SYTL1: variants seen among roughly 807,000 people sequenced by gnomAD.
The protein encoded by SYTL1 is synaptotagmin like 1, also known as synaptotagmin-like protein 1.
In SYTL1, 53 loss-of-function variants were observed where a neutral mutation model predicts 74.6. The observed-to-expected ratio is 0.71, with a 90% confidence interval of 0.57 to 0.89. The LOEUF (loss-of-function observed/expected upper bound fraction) is 0.89. Among genes scored for constraint, SYTL1 ranks in the 40% least tolerant of loss-of-function variants. The pLI is 0.00. For synonymous variants in SYTL1, 329 were observed against 324.9 expected, an observed-to-expected ratio of 1.01 and a Z score of -0.14; for missense variants, 728 against 768.7, an observed-to-expected ratio of 0.95 and a Z score of 0.63.
At position 27,345,644 on chromosome 1, in the gene SYTL1, T is replaced by G; in HGVS notation, c.191+119T>G. The G allele has an allele frequency of 1.5e-6, 1 of 683,834 alleles. No homozygotes were observed. Among genetic ancestry groups the G allele is most frequent in the South Asian group, 2.0e-5 (1 of 49,226 alleles). 42.4% of individuals were successfully genotyped at this position (683,834 alleles called of 1,614,324 possible). ...CGTGGTTCTTGGTTTTGCCCTTCAG[T>G]CTCCTCTGGCCTTGGCCAGCTCACA... On this transcript the variant is annotated intron_variant, in intron 2 of 14. Transcript: ENST00000616558. The surrounding 1 kb of genome is among the most constrained non-coding windows in gnomAD (Gnocchi z 6.0).
chr1:27,351,543 C>T lies in SYTL1; in HGVS notation c.1331C>T (p.Thr444Ile). 6.5e-7 allele frequency: 1 copy of T among 1,546,114 alleles called. No homozygotes were observed. Among genetic ancestry groups the T allele is most frequent in the Non-Finnish European group, 8.7e-7 (1 of 1,144,534 alleles). Reference sequence around the variant, plus strand: ...CCGCTGCGGGCAGGATCCCTGGACACTTACGTACAATGGTGAGGAGTGCTG... The same window carrying T: ...CCGCTGCGGGCAGGATCCCTGGACATTTACGTACAATGGTGAGGAGTGCTG... ...LLPLRAGSLD[T>I]YVQCFVLPDD... Residue 444 changes from threonine (T) to isoleucine (I), a missense_variant, in exon 13 of 15, where the codon ACT becomes ATT. Coordinates refer to ENST00000616558, the MANE Select transcript of SYTL1 (RefSeq NM_001193308.2). The surrounding 1 kb of genome is among the most constrained non-coding windows in gnomAD (Gnocchi z 5.0).
In SYTL1 at chr1:27,348,674, T is replaced by TCTAGCCTGGGCAA. The variant is rs1260567659; in HGVS notation, c.460-404_460-392dup. 1.3e-5 allele frequency among the ~76,000 whole-genome samples: 2 copies of TCTAGCCTGGGCAA among 151,850 alleles called. No individual in the cohort carries two copies. The highest frequency in any genetic ancestry group is 3.4e-3 in the Middle Eastern group (1 of 294). Reference sequence around the variant, plus strand: ...GTGAGCCAAGATCACACCATTGCACTCTAGCCTGGGCAACAAGAGTGAAAC... The same window carrying TCTAGCCTGGGCAA: ...GTGAGCCAAGATCACACCATTGCACTCTAGCCTGGGCAACTAGCCTGGGCAACAAGAGTGAAAC... On this transcript the variant is annotated intron_variant, in intron 5 of 14. Coordinates refer to ENST00000616558, the MANE Select transcript of SYTL1 (RefSeq NM_001193308.2). The surrounding 1 kb of genome is among the most constrained non-coding windows in gnomAD (Gnocchi z 4.1).
chr1:27,350,319 G>T lies in SYTL1; in HGVS notation c.909-70G>T. ...CTGGCACGTGTTCGGGATGGTGGCT[G>T]GGGGAGCCCACAGGCAGGGGAGAAG... On this transcript the variant is annotated intron_variant, in intron 9 of 14. Transcript: ENST00000616558. The surrounding 1 kb of genome is among the most constrained non-coding windows in gnomAD (Gnocchi z 6.3). 4 of 1,520,096 alleles carry T rather than the reference G, an allele frequency of 2.6e-6. No homozygotes were observed. Among genetic ancestry groups the T allele is most frequent in the Non-Finnish European group, 3.7e-6 (4 of 1,094,430 alleles). The allele number at this position is 1,520,096 out of a possible 1,614,324, so 94.2% of individuals were successfully genotyped here.
chr1:27,349,247 C>A (rs2015132346), intron 6 of SYTL1, 95 bp downstream of exon 6: 7 of 1,491,582 alleles, frequency 4.7e-6, no homozygotes, highest in Admixed American at 2.1e-5. Flanking sequence ...CCTCGTCACC[C>A]CCACTCCCAC....
chr1:27,344,257 C>G (rs894661064), intron 1 of SYTL1, among the ~76,000 whole-genome samples: 1 of 152,106 alleles, frequency 6.6e-6, no homozygotes, highest in African/African-American at 2.4e-5. Context: ...GCATGCACCA[C>G]CATGCCCGGC....
rs942385332 is a variant in SYTL1 at position 27,347,161 on chromosome 1, G to A, written c.192-260G>A. 2.3e-4 allele frequency among the ~76,000 whole-genome samples: 35 copies of A among 152,140 alleles called. No homozygotes were observed. The highest frequency in any genetic ancestry group is 1.8e-3 in the Admixed American group (27 of 15,266). ...ATAAATAAATAAAGGCAATTCAAAT[G>A]TCACCTCCTCTGGGAAGCCCTCCTG... On this transcript the variant is annotated intron_variant, in intron 2 of 14. Coordinates refer to ENST00000616558, the MANE Select transcript of SYTL1 (RefSeq NM_001193308.2). The surrounding 1 kb of genome is among the most constrained non-coding windows in gnomAD (Gnocchi z 4.9).
Position 27,351,800 on chromosome 1 carries a change from G to A in SYTL1, c.1343+245G>A. 1 of 430,488 alleles carries A rather than the reference G, an allele frequency of 2.3e-6. No individual in the cohort carries two copies. 26.7% of individuals were successfully genotyped at this position (430,488 alleles called of 1,614,324 possible). On this transcript the variant is annotated intron_variant, in intron 13 of 14. Coordinates refer to ENST00000616558, the MANE Select transcript of SYTL1 (RefSeq NM_001193308.2). This position sits in a 1 kb window ranked among gnomAD's most constrained non-coding sequence, Gnocchi z 5.0. ...GAAAAGCTGAGGCTGAGGGCTGCAA[G>A]GGTCCTTCCATAGAGAACCTGGGAG...
intron 5 of SYTL1, 37 bp from the exon 6 acceptor site, chr1:27,349,043 C>T (rs781023516): frequency 5.3e-6 from 8 of 1,522,022 alleles, no homozygotes; most frequent in Non-Finnish European, 7.3e-6. Context: ...TCCTCACCAG[C>T]CCCCGTACTG....
rs2015115464 is a variant in SYTL1 at position 27,348,921 on chromosome 1, AC to A, written c.460-157del. Reference sequence around the variant, plus strand: ...GGGTGGGCTGTGAAGCACTGGTCTCACCGCTCCTGCAGCTGGCTGCCAGCCC... The same window carrying A: ...GGGTGGGCTGTGAAGCACTGGTCTCACGCTCCTGCAGCTGGCTGCCAGCCC... On this transcript the variant is annotated intron_variant, in intron 5 of 14. Coordinates refer to ENST00000616558, the MANE Select transcript of SYTL1 (RefSeq NM_001193308.2). The surrounding 1 kb of genome is among the most constrained non-coding windows in gnomAD (Gnocchi z 4.1). 6.6e-6 allele frequency among the ~76,000 whole-genome samples: 1 copy of A among 152,156 alleles called. No individual in the cohort carries two copies. Among genetic ancestry groups the A allele is most frequent in the Admixed American group, 6.5e-5 (1 of 15,278 alleles).
chr1:27,349,180 C>T (rs771449538), intron 6 of SYTL1, 28 bp downstream of exon 6: 13 of 1,607,384 alleles, frequency 8.1e-6, no homozygotes, highest in Non-Finnish European at 1.0e-5. Flanking sequence ...TTGGGGAGCA[C>T]GGAGAGGTTT....
Position 27,348,080 on chromosome 1 carries a change from G to C in SYTL1, c.459+68G>C. The stretch of plus-strand genomic sequence containing the variant: ...GGAGGTGGAATGTGCAGGGGGCAGG[G>C]GGGAAAGAGCCCCAGCCTGGGAATG... On this transcript the variant is annotated intron_variant, in intron 5 of 14. Transcript: ENST00000616558. This position sits in a 1 kb window ranked among gnomAD's most constrained non-coding sequence, Gnocchi z 4.1. The C allele has an allele frequency of 6.6e-7, 1 of 1,513,048 alleles. No individual in the cohort carries two copies. Among genetic ancestry groups the C allele is most frequent in the Non-Finnish European group, 9.2e-7 (1 of 1,088,876 alleles). 93.7% of individuals were successfully genotyped at this position (1,513,048 alleles called of 1,614,324 possible).
rs1403858669 is a variant in SYTL1 at position 27,343,460 on chromosome 1, G to A, written c.-39+1310G>A. 6.6e-6 allele frequency among the ~76,000 whole-genome samples: 1 copy of A among 152,112 alleles called. No individual in the cohort carries two copies. Among genetic ancestry groups the A allele is most frequent in the African/African-American group, 2.4e-5 (1 of 41,372 alleles). ...TGGGTGCGGCAGTTACCTCAGGAGA[G>A]GAAGTTGGGGGTGTGGGCTGAGGAG... On this transcript the variant is annotated intron_variant, in intron 1 of 14. Coordinates refer to ENST00000616558, the MANE Select transcript of SYTL1 (RefSeq NM_001193308.2). This position sits in a 1 kb window ranked among gnomAD's most constrained non-coding sequence, Gnocchi z 5.2.
rs1037115209 is a variant in SYTL1, at chr1:27,351,611, A to G, written c.1343+56A>G. ...TTCTTTTGCCTGCAGTGGAGTGCCC[A>G]ACCTCCACAAACCCTTACTAATCAA... is the stretch of plus-strand genomic sequence containing the variant. On this transcript the variant is annotated intron_variant, in intron 13 of 14. Transcript: ENST00000616558. This position sits in a 1 kb window ranked among gnomAD's most constrained non-coding sequence, Gnocchi z 5.0. 9.2e-7 allele frequency: 1 copy of G among 1,090,480 alleles called. No homozygotes were observed. The highest frequency in any genetic ancestry group is 1.3e-6 in the Non-Finnish European group (1 of 763,468). The allele number at this position is 1,090,480 out of a possible 1,614,324, so 67.6% of individuals were successfully genotyped here.
At position 27,345,273 on chromosome 1, in the gene SYTL1, A is replaced by C; in HGVS notation, c.-38-24A>C. 1 of 1,296,338 alleles carries C rather than the reference A, an allele frequency of 7.7e-7. No individual in the cohort carries two copies. The highest frequency in any genetic ancestry group is 1.0e-6 in the Non-Finnish European group (1 of 966,540). The allele number at this position is 1,296,338 out of a possible 1,614,324, so 80.3% of individuals were successfully genotyped here. On this transcript the variant is annotated intron_variant, in intron 1 of 14. Coordinates refer to ENST00000616558, the MANE Select transcript of SYTL1 (RefSeq NM_001193308.2). The surrounding 1 kb of genome is among the most constrained non-coding windows in gnomAD (Gnocchi z 6.0). ...GTGCCAAGCATTTGTGCAGGGCTTG[A>C]CCTGACCCTCGGTCTGCCCCCAGGA...
chr1:27,345,379 G>A lies in SYTL1; in HGVS notation c.45G>A (p.Leu15=), dbSNP rs1357659745. ...GHPSQEGLWA[L]PSLPMAHGPK... is the part of the protein sequence containing the mutation. ...CATCGCAAGAGGGGCTTTGGGCTCT[G>A]CCCTCCCTCCCCATGGCGCATGGGC... Residue 15 remains leucine (L), a synonymous_variant, in exon 2 of 15, where the codon CTG becomes CTA. Transcript: ENST00000616558. The surrounding 1 kb of genome is among the most constrained non-coding windows in gnomAD (Gnocchi z 6.0). The A allele has an allele frequency of 1.9e-6, 3 of 1,551,770 alleles. No homozygotes were observed. The highest frequency in any genetic ancestry group is 2.7e-5 in the African/African-American group (2 of 73,070).
Position 27,351,535 on chromosome 1 carries a change from C to A in SYTL1, c.1323C>A (p.Ser441=), listed in dbSNP as rs771479895. Residue 441 remains serine, a synonymous_variant, in exon 13 of 15, where the codon TCC becomes TCA. Transcript: ENST00000616558. The surrounding 1 kb of genome is among the most constrained non-coding windows in gnomAD (Gnocchi z 5.0). ...ARDLLPLRAG[S]LDTYVQCFVL... ...ACCTCCTGCCGCTGCGGGCAGGATCCCTGGACACTTACGTACAATGGTGAG... is the reference window on the plus strand; with the variant it reads ...ACCTCCTGCCGCTGCGGGCAGGATCACTGGACACTTACGTACAATGGTGAG... The A allele has an allele frequency of 1.1e-4, 163 of 1,547,910 alleles. No homozygotes were observed. Among genetic ancestry groups the A allele is most frequent in the Non-Finnish European group, 1.4e-4 (158 of 1,145,598 alleles).
Position 27,350,156 on chromosome 1 carries a change from G to A in SYTL1, c.908+24G>A, listed in dbSNP as rs1337865921. 9 of 1,415,246 alleles carry A rather than the reference G, an allele frequency of 6.4e-6. No homozygotes were observed. In the Admixed American group the frequency reaches 1.7e-4, roughly 26 times the overall value. The allele number at this position is 1,415,246 out of a possible 1,614,324, so 87.7% of individuals were successfully genotyped here. The stretch of plus-strand genomic sequence containing the variant: ...CCGTGAGTGCCCCGCCGGCCAAGCG[G>A]GGCGCGGCTGTCACAGCCCAGCCCA... On this transcript the variant is annotated intron_variant, in intron 9 of 14. Coordinates refer to ENST00000616558, the MANE Select transcript of SYTL1 (RefSeq NM_001193308.2). The surrounding 1 kb of genome is among the most constrained non-coding windows in gnomAD (Gnocchi z 6.3).
Position 27,350,230 on chromosome 1 carries a change from A to C in SYTL1, c.908+98A>C. 1 of 1,490,926 alleles carries C rather than the reference A, an allele frequency of 6.7e-7. No individual in the cohort carries two copies. Among genetic ancestry groups the C allele is most frequent in the Non-Finnish European group, 9.2e-7 (1 of 1,092,804 alleles). The allele number at this position is 1,490,926 out of a possible 1,614,324, so 92.4% of individuals were successfully genotyped here. On this transcript the variant is annotated intron_variant, in intron 9 of 14. Transcript: ENST00000616558. This position sits in a 1 kb window ranked among gnomAD's most constrained non-coding sequence, Gnocchi z 6.3. ...TCGTCCTCATCTTCAAAATGGGAACAACAGCGTTATTGGGAGGCGTGCGAT... is the reference window on the plus strand; with the variant it reads ...TCGTCCTCATCTTCAAAATGGGAACCACAGCGTTATTGGGAGGCGTGCGAT...
In SYTL1 at chr1:27,348,087, G is replaced by A; in HGVS notation, c.459+75G>A. The A allele has an allele frequency of 6.9e-7, 1 of 1,456,144 alleles. No homozygotes were observed. The highest frequency in any genetic ancestry group is 9.6e-7 in the Non-Finnish European group (1 of 1,037,408). 90.2% of individuals were successfully genotyped at this position (1,456,144 alleles called of 1,614,324 possible). A position where few individuals can be genotyped will look rare whatever the true frequency, so the allele number is the denominator to read the frequency against. On this transcript the variant is annotated intron_variant, in intron 5 of 14. Transcript: ENST00000616558. This position sits in a 1 kb window ranked among gnomAD's most constrained non-coding sequence, Gnocchi z 4.1. ...GAATGTGCAGGGGGCAGGGGGGAAA[G>A]AGCCCCAGCCTGGGAATGGGGAGAC...
Sources: gnomAD v4.1 joint callset for allele counts (sites outside exome capture counted in the v4.1 genomes callset) on GRCh38, gnomAD v4.1.1 for gene constraint, Gnocchi (gnomAD v3.1) non-coding constraint, MANE v1.5 for transcripts, NCBI Gene and HGNC (gene_info 2026-07-23, HGNC 2026-07-21) for gene names.